VPS13B: variants seen among roughly 807,000 people sequenced by gnomAD.
The protein encoded by VPS13B is intermembrane lipid transfer protein VPS13B.
A neutral mutation model predicts 426.4 loss-of-function variants in VPS13B; 285 were observed. The observed-to-expected ratio is 0.67, with a 90% CI of 0.61 to 0.74. The LOEUF is 0.74. Among genes scored for constraint, VPS13B ranks in the 30% least tolerant of loss-of-function variants. The pLI is 0.00. For synonymous variants in VPS13B, 1,676 were observed against 1,676.4 expected (o/e 1.00, Z 0.01); for missense variants, 4,537 against 4,782.6 (o/e 0.95, Z 1.51).
At chr8:99,375,292 C>T (rs1017062153) in intron 19 of VPS13B, among the ~76,000 whole-genome samples, 5 of 152,166 alleles carry the variant, frequency 3.3e-5, no homozygotes, top group African/African-American at 1.2e-4. Context: ...TTCATTTCTT[C>T]TCTCCTATAA....
At chr8:99,139,389 A>G (rs1007197934) in intron 12 of VPS13B, among the ~76,000 whole-genome samples, 2 of 150,060 alleles carry the variant, frequency 1.3e-5, no homozygotes, top group African/African-American at 4.9e-5. Context: ...AACCCAACCT[A>G]TCCAGCTCTA....
intron 21 of VPS13B, among the ~76,000 whole-genome samples, chr8:99,415,779 C>T (rs1175492806): frequency 6.6e-6 from 1 of 152,226 alleles, no homozygotes; most frequent in Non-Finnish European, 1.5e-5. Context: ...CTGTTCCTTC[C>T]TCTGGAAGCT....
At chr8:99,314,551 G>T (rs1821202440) in intron 19 of VPS13B, among the ~76,000 whole-genome samples, 1 of 152,116 alleles carries the variant, frequency 6.6e-6, no homozygotes, top group Admixed American at 6.6e-5. Context: ...ATATTGGAGT[G>T]ATTGTCCTCC....
At chr8:99,501,958 TGTCTGTCTGTCTGTCTTTCC>T (rs1231220054) in intron 26 of VPS13B, 100 bp downstream of exon 26, 48 of 1,236,480 alleles carry the variant, frequency 3.9e-5, no homozygotes, top group South Asian at 2.8e-4. Context: ...TCTGTCTGTC[TGTCTGTCTGTCTGTCTTTCC>T]GTCTGTCTGT....
chr8:99,151,866 G>T (rs373086223), intron 14 of VPS13B, among the ~76,000 whole-genome samples: 1 of 152,056 alleles, frequency 6.6e-6, no homozygotes, highest in South Asian at 2.1e-4. Flanking sequence ...TATCATTTTA[G>T]TGTCCTTGGG....
At chr8:99,840,100 T>A (rs1588769674) in intron 54 of VPS13B, among the ~76,000 whole-genome samples, 1 of 152,240 alleles carries the variant, frequency 6.6e-6, no homozygotes, top group South Asian at 2.1e-4. Context: ...TCTAGTGTGT[T>A]ATGTTCCCTT....
At chr8:99,139,538 T>C (rs1588080048) in intron 12 of VPS13B, among the ~76,000 whole-genome samples, 2 of 151,090 alleles carry the variant, frequency 1.3e-5, no homozygotes, top group South Asian at 4.2e-4. Flanking sequence ...CCCGGGTTCA[T>C]GCCATTCTCC....
At chr8:99,614,916 G>A (rs955169535) in intron 33 of VPS13B, among the ~76,000 whole-genome samples, 11 of 151,670 alleles carry the variant, frequency 7.3e-5, no homozygotes, top group African/African-American at 1.7e-4. Flanking sequence ...TTGGGAGTTC[G>A]AGACCAGCCT....
At chr8:99,092,314 A>G (rs541990449) in intron 3 of VPS13B, among the ~76,000 whole-genome samples, 16 of 152,298 alleles carry the variant, frequency 1.1e-4, no homozygotes, top group Admixed American at 5.9e-4. Flanking sequence ...TTGGCCATGA[A>G]ATATACTTAC....
chr8:99,629,843 C>T (rs1828766994), intron 33 of VPS13B, among the ~76,000 whole-genome samples: 1 of 152,174 alleles, frequency 6.6e-6, no homozygotes, highest in Admixed American at 6.5e-5. Context: ...CCATAATTGT[C>T]ATCTAGTTGA....
chr8:99,536,481 C>G (rs1053219284), intron 30 of VPS13B, among the ~76,000 whole-genome samples: 2 of 152,032 alleles, frequency 1.3e-5, no homozygotes, highest in African/African-American at 2.4e-5. Context: ...GCTTTTGAGC[C>G]AATTTTTATC....
chr8:99,075,930 G>A (rs1160453438), intron 3 of VPS13B, among the ~76,000 whole-genome samples: 1 of 151,786 alleles, frequency 6.6e-6, no homozygotes, highest in Non-Finnish European at 1.5e-5. Flanking sequence ...TTCCTCTTCT[G>A]GTTTCTTGAG....
At chr8:99,778,090 G>T (rs892412716) in intron 41 of VPS13B, among the ~76,000 whole-genome samples, 19 of 151,854 alleles carry the variant, frequency 1.3e-4, no homozygotes, top group African/African-American at 4.6e-4. Context: ...AAATTAGCTG[G>T]GCGTGGTGGC....
intron 16 of VPS13B, among the ~76,000 whole-genome samples, chr8:99,191,476 T>C (rs1239733559): frequency 2.0e-5 from 3 of 147,428 alleles, no homozygotes; most frequent in African/African-American, 7.5e-5. Flanking sequence ...TTCTGCCTCC[T>C]GAGTTTAAGC....
chr8:99,796,440 TAGA>T (rs1812819963), intron 43 of VPS13B, among the ~76,000 whole-genome samples: 1 of 151,862 alleles, frequency 6.6e-6, no homozygotes, highest in Non-Finnish European at 1.5e-5. Context: ...CACATTAATA[TAGA>T]AGAAGAAAGA....
intron 3 of VPS13B, among the ~76,000 whole-genome samples, chr8:99,076,535 C>T (rs1400488638): frequency 6.6e-6 from 1 of 150,642 alleles, no homozygotes; most frequent in Non-Finnish European, 1.5e-5. Flanking sequence ...TCTGAGCATT[C>T]TGGTATTAGG....
intron 19 of VPS13B, among the ~76,000 whole-genome samples, chr8:99,337,947 T>A (rs1269365598): frequency 2.0e-5 from 3 of 152,138 alleles, no homozygotes; most frequent in Non-Finnish European, 4.4e-5. Flanking sequence ...TAAAGCATCA[T>A]GTGTTGAAAA....
chr8:99,446,953 A>G (rs997177436), intron 23 of VPS13B, among the ~76,000 whole-genome samples: 1 of 152,082 alleles, frequency 6.6e-6, no homozygotes, highest in Non-Finnish European at 1.5e-5. Context: ...TTTACATAGG[A>G]TATTCTTTTT....
chr8:99,442,414 CTTG>C lies in VPS13B; in HGVS notation c.3229_3231del (p.Cys1077del), dbSNP rs763281042. ...TTTCTTTTCTAGCTTGAAGTACAAT[CTTG>C]TTGTGTGTTTATTCCAAATGATAGC... is the stretch of plus-strand genomic sequence containing the variant. On this transcript the variant is annotated inframe_deletion, in exon 23 of 62. Transcript: ENST00000357162. 1.2e-6 allele frequency: 2 copies of C among 1,613,644 alleles called. No individual in the cohort carries two copies. The highest frequency in any genetic ancestry group is 2.7e-5 in the African/African-American group (2 of 75,002).
Sources: gnomAD v4.1 joint callset for allele counts (sites outside exome capture counted in the v4.1 genomes callset) on GRCh38, gnomAD v4.1.1 for gene constraint, MANE v1.5 for transcripts, NCBI Gene and HGNC (gene_info 2026-07-23, HGNC 2026-07-21) for gene names.